Variants in INTS1 observed in about 807,000 individuals in gnomAD.
INTS1 encodes integrator complex subunit 1.
In INTS1, 137 loss-of-function variants were observed where a neutral mutation model predicts 241.6. The observed-to-expected ratio is 0.57, with a 90% CI of 0.49 to 0.65. The LOEUF is 0.65. Ranked by LOEUF, INTS1 falls within the 30% of genes least tolerant of loss-of-function variation. The probability of loss-of-function intolerance (pLI) is 0.00; values close to 1 mark genes in which losing one functional copy is unlikely to be tolerated. For missense variants in INTS1, 3,073 were observed against 3,032.2 expected (o/e 1.01, Z -0.32); for synonymous variants, 1,692 against 1,337.8 (o/e 1.26, Z -5.78).
In INTS1 at chr7:1,497,424, T is replaced by A; in HGVS notation, c.1426-110A>T. ...GCGCCCGAGGGCGCTGCAGTGGGTCTCAGACAGTGTGGGGTGCGGGGTGGC... is the reference window on the plus strand; with the variant it reads ...GCGCCCGAGGGCGCTGCAGTGGGTCACAGACAGTGTGGGGTGCGGGGTGGC... On this transcript the variant is annotated intron_variant, in intron 10 of 47. Transcript: ENST00000404767. The surrounding 1 kb of genome is among the most constrained non-coding windows in gnomAD (Gnocchi z 5.3). The A allele has an allele frequency of 4.2e-6, 5 of 1,192,446 alleles. No individual in the cohort carries two copies. Among genetic ancestry groups the A allele is most frequent in the Non-Finnish European group, 4.6e-6 (4 of 870,102 alleles). The allele number at this position is 1,192,446 out of a possible 1,614,324, so 73.9% of individuals were successfully genotyped here.
Position 1,504,345 on chromosome 7 carries a change from C to A in INTS1, c.-64G>T, listed in dbSNP as rs1369011. 232,364 of 501,012 alleles carry A rather than the reference C, an allele frequency of 0.46. 56,671 individuals carry two copies. The highest frequency in any genetic ancestry group is 0.71 in the East Asian group (12,198 of 17,080). 31.0% of individuals were successfully genotyped at this position (501,012 alleles called of 1,614,324 possible). A position where few individuals can be genotyped will look rare whatever the true frequency, so the allele number is the denominator to read the frequency against. ...TACCTCTGGCCCATCGCGACCGGAG[C>A]GCCGCCGCCGCCACCCGGCCACCCC... On this transcript the variant is annotated 5_prime_UTR_variant, in exon 1 of 48. Coordinates refer to ENST00000404767, the MANE Select transcript of INTS1 (RefSeq NM_001080453.3).
chr7:1,497,030 G>A lies in INTS1; in HGVS notation c.1602+108C>T, dbSNP rs756231265. 5.8e-5 allele frequency: 67 copies of A among 1,162,772 alleles called. No homozygotes were observed. Among genetic ancestry groups the A allele is most frequent in the Non-Finnish European group, 7.6e-5 (64 of 844,980 alleles). 72.0% of individuals were successfully genotyped at this position (1,162,772 alleles called of 1,614,324 possible). On this transcript the variant is annotated intron_variant, in intron 11 of 47. Transcript: ENST00000404767. This position sits in a 1 kb window ranked among gnomAD's most constrained non-coding sequence, Gnocchi z 5.3. ...TCACTCATCCCCGTACCCACGCTCAGCCAGAGCATCCGAAGGGGTGGAGTG... is the reference window on the plus strand; with the variant it reads ...TCACTCATCCCCGTACCCACGCTCAACCAGAGCATCCGAAGGGGTGGAGTG...
intron 19 of INTS1, 121 bp from the exon 20 acceptor site, chr7:1,487,570 G>A: frequency 3.0e-6 from 4 of 1,343,278 alleles, no homozygotes; most frequent in Non-Finnish European, 4.1e-6. Flanking sequence ...AACCCATCCT[G>A]ACCTGGGATG....
chr7:1,480,240 G>C lies in INTS1; in HGVS notation c.4074+77C>G, dbSNP rs945205565. ...CGGTCACGCAAGTAAAGGCCGCTGT[G>C]CGTGCGAGGCGGCAGCGAAGGCTGC... is the stretch of plus-strand genomic sequence containing the variant. On this transcript the variant is annotated intron_variant, in intron 30 of 47. Coordinates refer to ENST00000404767, the MANE Select transcript of INTS1 (RefSeq NM_001080453.3). 1.6e-5 allele frequency: 24 copies of C among 1,489,538 alleles called. No individual in the cohort carries two copies. The African/African-American group carries it at 3.3e-4, about 21-fold the overall frequency. The allele number at this position is 1,489,538 out of a possible 1,614,324, so 92.3% of individuals were successfully genotyped here.
chr7:1,479,292 C>A, intron 31 of INTS1, 138 bp downstream of exon 31: 1 of 1,078,326 alleles, frequency 9.3e-7, no homozygotes. Flanking sequence ...GCCGCCACTC[C>A]CTGGGGCACT....
At chr7:1,471,482 G>A (rs918974875) in intron 45 of INTS1, 89 bp downstream of exon 45, 6 of 1,407,690 alleles carry the variant, frequency 4.3e-6, no homozygotes, top group Middle Eastern at 1.8e-4. Context: ...GGGGCTCAGC[G>A]CGGGCACGCC....
intron 18 of INTS1, 68 bp from the exon 19 acceptor site, chr7:1,488,025 C>A (rs772789292): frequency 9.0e-5 from 138 of 1,538,608 alleles, no homozygotes; most frequent in Non-Finnish European, 1.1e-4. Flanking sequence ...GGGCCACGCT[C>A]AGGGTCAAGG....
At chr7:1,489,728 A>G in intron 16 of INTS1, 46 bp from the exon 17 acceptor site, 4 of 1,363,126 alleles carry the variant, frequency 2.9e-6, no homozygotes, top group Non-Finnish European at 3.9e-6. Flanking sequence ...CACCAAGCTC[A>G]GCGCCAAGGA....
chr7:1,496,532 T>C (rs532040286), intron 11 of INTS1, among the ~76,000 whole-genome samples: 1 of 152,044 alleles, frequency 6.6e-6, no homozygotes, highest in African/African-American at 2.4e-5. Context: ...ACGCACACAC[T>C]TGCACATGCG....
At chr7:1,490,853 A>G (rs7812194) in intron 16 of INTS1, among the ~76,000 whole-genome samples, 81,530 of 151,898 alleles carry the variant, frequency 0.54, 23,642 homozygotes, top group African/African-American at 0.77. Context: ...ATAGACGGAC[A>G]GAACAGACGT....
intron 2 of INTS1, 31 bp downstream of exon 2, chr7:1,503,872 C>CCCCAAGA: frequency 6.5e-7 from 1 of 1,537,560 alleles, no homozygotes; most frequent in Non-Finnish European, 8.8e-7. Flanking sequence ...CCCAAAGACC[C>CCCCAAGA]CCGGGCTGCA....
In INTS1 at chr7:1,503,179, G is replaced by C. The variant is rs900790397; in HGVS notation, c.71C>G (p.Pro24Arg). 2 of 1,532,574 alleles carry C rather than the reference G, an allele frequency of 1.3e-6. No homozygotes were observed. The highest frequency in any genetic ancestry group is 1.8e-6 in the Non-Finnish European group (2 of 1,139,482). The allele number at this position is 1,532,574 out of a possible 1,614,324, so 94.9% of individuals were successfully genotyped here. Residue 24 changes from proline to arginine, a missense_variant, in exon 3 of 48, where the codon CCA becomes CGA. Coordinates refer to ENST00000404767, the MANE Select transcript of INTS1 (RefSeq NM_001080453.3). ...AAAKPSGHPP[P>R]GDFIALGSKG... ...TGAGCCCAGAGCAATGAAGTCTCCT[G>C]GGGGAGGGTGCCCTGCAGAGAAAGG...
rs1562488419 is a variant in INTS1, at chr7:1,476,557, T to TCTCCCGGATGGGCCACCCC, written c.5151+12_5151+13insGGGGTGGCCCATCCGGGAG. 2 of 1,136,354 alleles carry TCTCCCGGATGGGCCACCCC rather than the reference T, an allele frequency of 1.8e-6. No individual in the cohort carries two copies. Among genetic ancestry groups the TCTCCCGGATGGGCCACCCC allele is most frequent in the East Asian group, 5.0e-5 (1 of 19,980 alleles). 70.4% of individuals were successfully genotyped at this position (1,136,354 alleles called of 1,614,324 possible). ...ACCCCCTCTCCCGGATGGGCCACCC[T>TCTCCCGGATGGGCCACCCC]CCCAAGACCTGCCTGCGGGGTGCGC... On this transcript the variant is annotated intron_variant, in intron 37 of 47. Transcript: ENST00000404767.
chr7:1,497,227 G>A lies in INTS1; in HGVS notation c.1513C>T (p.Gln505Ter), dbSNP rs1782907112. 1 of 1,613,288 alleles carries A rather than the reference G, an allele frequency of 6.2e-7. No homozygotes were observed. The change falls in exon 11 of 48, where the codon CAG becomes TAG. Residue 505 changes from glutamine to a stop codon, truncating the protein, a stop_gained. Transcript: ENST00000404767. LOFTEE classifies it high-confidence loss of function. This position sits in a 1 kb window ranked among gnomAD's most constrained non-coding sequence, Gnocchi z 5.3. ...SRALLREIIK[Q>*]TKHEINFQAF... ...TGGAAGTTGATCTCGTGCTTGGTCTGCTTGATGATCTCCCGCAGCAGGGCC... is the reference window on the plus strand; with the variant it reads ...TGGAAGTTGATCTCGTGCTTGGTCTACTTGATGATCTCCCGCAGCAGGGCC...
rs745798803 is a variant in INTS1, at chr7:1,473,718, G to A, written c.5830-25C>T. 4.3e-5 allele frequency: 69 copies of A among 1,611,724 alleles called. 1 individual carries two copies. The highest frequency in any genetic ancestry group is 1.6e-4 in the Middle Eastern group (1 of 6,080). ...TCTGCAAAGCAAAAGCGGCACCCTC[G>A]AGCTGCTCTGCCCCGCAGGGCCAAA... On this transcript the variant is annotated intron_variant, in intron 41 of 47. Coordinates refer to ENST00000404767, the MANE Select transcript of INTS1 (RefSeq NM_001080453.3).
In INTS1 at chr7:1,494,961, G is replaced by C. The variant is rs1005839796; in HGVS notation, c.1833-68C>G. ...CAGGGACCAGCCCCGTTAGTTCCAG[G>C]GAAGGGACCCCGCTCCCACGGGCCC... On this transcript the variant is annotated intron_variant, in intron 13 of 47. Coordinates refer to ENST00000404767, the MANE Select transcript of INTS1 (RefSeq NM_001080453.3). 117 of 1,526,510 alleles carry C rather than the reference G, an allele frequency of 7.7e-5. No individual in the cohort carries two copies. The South Asian group carries it at 1.3e-3, about 17-fold the overall frequency. 94.6% of individuals were successfully genotyped at this position (1,526,510 alleles called of 1,614,324 possible). A position where few individuals can be genotyped will look rare whatever the true frequency, so the allele number is the denominator to read the frequency against.
chr7:1,492,402 G>T (rs1782599831), intron 16 of INTS1, among the ~76,000 whole-genome samples: 1 of 152,222 alleles, frequency 6.6e-6, no homozygotes. Flanking sequence ...CTCTACAGAG[G>T]TGACGGCAGG....
rs779827992 is a variant in INTS1 at position 1,485,328 on chromosome 7, C to G, written c.3118G>C (p.Asp1040His). 2.5e-6 allele frequency: 4 copies of G among 1,612,140 alleles called. No homozygotes were observed. The South Asian group carries it at 3.3e-5, about 13-fold the overall frequency. Residue 1040 changes from aspartate (D) to histidine (H), a missense_variant, in exon 23 of 48, where the codon GAC becomes CAC. Physicochemically the swap from Asp to His is moderately conservative, Grantham distance 81. Transcript: ENST00000404767. ...LRDLPRLPLF[D>H]SVRSTTALAL... ...AGGGCTGTGGTGCTCCTGACGCTGT[C>G]GAACAGAGGCAGGCGAGGCAGGTCC...
At position 1,470,517 on chromosome 7, in the gene INTS1, CT is replaced by C; in HGVS notation, c.*59del. 1 of 1,342,630 alleles carries C rather than the reference CT, an allele frequency of 7.4e-7. No homozygotes were observed. Among genetic ancestry groups the C allele is most frequent in the South Asian group, 1.4e-5 (1 of 73,050 alleles). 83.2% of individuals were successfully genotyped at this position (1,342,630 alleles called of 1,614,324 possible). A position where few individuals can be genotyped will look rare whatever the true frequency, so the allele number is the denominator to read the frequency against. The stretch of plus-strand genomic sequence containing the variant: ...AACGCCCACGCTTCCTGGGCTTTGC[CT>C]CGAGGATCCCCGGGGACGGGACGGG... On this transcript the variant is annotated 3_prime_UTR_variant, in exon 48 of 48. Transcript: ENST00000404767.
Sources: allele counts gnomAD v4.1 joint callset (sites outside exome capture counted in the v4.1 genomes callset), GRCh38; gene constraint gnomAD v4.1.1; non-coding constraint Gnocchi (gnomAD v3.1); transcripts MANE v1.5; gene names NCBI Gene and HGNC (gene_info 2026-07-23, HGNC 2026-07-21).